The following HERC2 variants were observed in gnomAD, a reference collection of about 807,000 sequenced individuals.
HERC2 encodes the protein E3 ubiquitin-protein ligase HERC2.
HERC2 carries 102 observed loss-of-function variants against 537.7 expected under a neutral mutation model. The ratio of observed to expected loss-of-function variants is 0.19; its 90% CI spans 0.16 to 0.22. The LOEUF (loss-of-function observed/expected upper bound fraction) is 0.22, where lower values mean the gene tolerates loss of function less well. HERC2 is among the 10% of genes least tolerant of loss of function. HERC2 has a pLI of 1.00. For synonymous variants in HERC2, 2,224 were observed against 2,466.2 expected (o/e 0.90, Z 2.91); for missense variants, 4,236 against 6,198.2 (o/e 0.68, Z 10.63).
chr15:28,274,579 A>T, intron 6 of HERC2, 132 bp from the exon 7 acceptor site: 1 of 880,692 alleles, frequency 1.1e-6, no homozygotes, highest in Non-Finnish European at 1.7e-6. Flanking sequence ...AATCTAGCGC[A>T]GCTGCTCCAG....
At position 28,202,154 on chromosome 15, in the gene HERC2, C is replaced by T. The variant is rs551973035; in HGVS notation, c.7576G>A (p.Glu2526Lys). The change falls in exon 47 of 93, where the codon GAG becomes AAG. Residue 2526 changes from glutamate to lysine, a missense_variant. Glu to Lys is a moderately conservative substitution (Grantham distance 56). Transcript: ENST00000261609. ...TCATCCACGTCCTCCACCACCTCCT[C>T]GTCAGAATACTCGTCGGACACCGTG... ...ADTVSDEYSD[E>K]EVVEDVDDAA... 1.1e-5 allele frequency: 17 copies of T among 1,578,814 alleles called. No individual in the cohort carries two copies. In the Admixed American group the frequency reaches 1.7e-4, roughly 16 times the overall value.
chr15:28,292,069 A>G (rs1445624026), intron 4 of HERC2, among the ~76,000 whole-genome samples: 1 of 151,658 alleles, frequency 6.6e-6, no homozygotes, highest in Non-Finnish European at 1.5e-5. Context: ...CTCTACTAAA[A>G]ATACAAAAAA....
chr15:28,284,916 T>C (rs1195682589), intron 4 of HERC2, among the ~76,000 whole-genome samples: 1 of 74,570 alleles, frequency 1.3e-5, no homozygotes, highest in Non-Finnish European at 2.4e-5. Context: ...AAACTCCGTC[T>C]CGGAAAAAAA....
intron 2 of HERC2, among the ~76,000 whole-genome samples, chr15:28,319,175 TAAAAC>T (rs1319720690): frequency 1.3e-4 from 20 of 152,322 alleles, no homozygotes; most frequent in African/African-American, 4.8e-4. Flanking sequence ...TGGTGGAACA[TAAAAC>T]AAAGCTTAGC....
chr15:28,318,416 C>G (rs113467788), intron 2 of HERC2, among the ~76,000 whole-genome samples: 2,923 of 151,868 alleles, frequency 0.019, 6 homozygotes, highest in African/African-American at 0.067. Context: ...CACTTGAGGT[C>G]AGGAGTTCAA....
rs770040262 is a variant in HERC2, at chr15:28,146,370, T to A, written c.10901-26A>T. ...CTGAAGGACAGGCAAGCACAAAACA[T>A]AGCAACCACTCCAGATCAGCACCCA... On this transcript the variant is annotated intron_variant, in intron 70 of 92. Transcript: ENST00000261609. 11 of 1,493,326 alleles carry A rather than the reference T, an allele frequency of 7.4e-6. No homozygotes were observed. In the South Asian group the frequency reaches 1.2e-4, roughly 17 times the overall value. 92.5% of individuals were successfully genotyped at this position (1,493,326 alleles called of 1,614,324 possible).
chr15:28,149,981 T>C (rs1892248790), intron 70 of HERC2, among the ~76,000 whole-genome samples: 1 of 149,804 alleles, frequency 6.7e-6, no homozygotes, highest in Non-Finnish European at 1.5e-5. Flanking sequence ...ACCGAGAACA[T>C]CACCGAGAAC....
At chr15:28,117,760 C>G (rs1888438612) in intron 86 of HERC2, 1 of 358,720 alleles carries the variant, frequency 2.8e-6, no homozygotes, top group Admixed American at 3.7e-5. Flanking sequence ...CACTCCCTGC[C>G]CATCCTTCTC....
At chr15:28,125,983 TG>T (rs1328278733) in intron 83 of HERC2, among the ~76,000 whole-genome samples, 1 of 152,220 alleles carries the variant, frequency 6.6e-6, no homozygotes, top group Non-Finnish European at 1.5e-5. Flanking sequence ...AGCTAATTTT[TG>T]TATTTTTAGC....
intron 5 of HERC2, 32 bp downstream of exon 5, chr15:28,280,036 G>A: frequency 6.7e-7 from 1 of 1,499,554 alleles, no homozygotes; most frequent in Non-Finnish European, 9.2e-7. Flanking sequence ...TATTTAACTG[G>A]CATCAGGATT....
At chr15:28,171,237 T>C (rs1441510826) in intron 65 of HERC2, among the ~76,000 whole-genome samples, 2 of 152,234 alleles carry the variant, frequency 1.3e-5, no homozygotes, top group Non-Finnish European at 2.9e-5. Flanking sequence ...ATAATCCAAA[T>C]GTCCTTCGAT....
At chr15:28,236,293 T>A (rs1188096283) in intron 26 of HERC2, among the ~76,000 whole-genome samples, 2 of 152,012 alleles carry the variant, frequency 1.3e-5, no homozygotes, top group Non-Finnish European at 2.9e-5. Context: ...CTGTGTTGAA[T>A]CCGCCTCTCC....
chr15:28,237,972 C>T lies in HERC2; in HGVS notation c.3852+142G>A, dbSNP rs2140699051. 6.6e-6 allele frequency: 5 copies of T among 753,372 alleles called. No individual in the cohort carries two copies. In the South Asian group the frequency reaches 7.1e-5, roughly 11 times the overall value. The allele number at this position is 753,372 out of a possible 1,614,324, so 46.7% of individuals were successfully genotyped here. A position where few individuals can be genotyped will look rare whatever the true frequency, so the allele number is the denominator to read the frequency against. On this transcript the variant is annotated intron_variant, in intron 25 of 92. Coordinates refer to ENST00000261609, the MANE Select transcript of HERC2 (RefSeq NM_004667.6). Reference sequence around the variant, plus strand: ...AAATGTAAATTCATTTATGACAAAACTTCTAAAGGATCTTTATATTTATCC... The same window carrying T: ...AAATGTAAATTCATTTATGACAAAATTTCTAAAGGATCTTTATATTTATCC...
chr15:28,163,169 C>T lies in HERC2; in HGVS notation c.10671G>A (p.Val3557=), dbSNP rs1365364952. The change falls in exon 69 of 93, where the codon GTG becomes GTA. Residue 3557 remains valine (V), a synonymous_variant. Transcript: ENST00000261609. ...TGCCCCTGTCCCCGGCCCGGCTGCA[C>T]ACTGACAGCTTGAGCAGGTCTACCA... ...RVVVDLLKLS[V]CSRAGDRGRD... is the part of the protein sequence containing the mutation. 3.1e-6 allele frequency: 5 copies of T among 1,613,648 alleles called. No individual in the cohort carries two copies. Among genetic ancestry groups the T allele is most frequent in the Non-Finnish European group, 4.2e-6 (5 of 1,180,022 alleles).
intron 21 of HERC2, 72 bp downstream of exon 21, chr15:28,248,479 TG>T: frequency 8.9e-7 from 1 of 1,127,616 alleles, no homozygotes; most frequent in Non-Finnish European, 1.3e-6. Context: ...GCATATAGGA[TG>T]GACACGTCGA....
rs2075638029 is a variant in HERC2 at position 28,268,727 on chromosome 15, G to A, written c.1447-111C>T. On this transcript the variant is annotated intron_variant, in intron 11 of 92. Transcript: ENST00000261609. This position sits in a 1 kb window ranked among gnomAD's most constrained non-coding sequence, Gnocchi z 4.7. Reference sequence around the variant, plus strand: ...AGCAAAGCCTGCTGTAACTCCAAGTGGGGCATAAGTCTCTGGGAACTACGG... The same window carrying A: ...AGCAAAGCCTGCTGTAACTCCAAGTAGGGCATAAGTCTCTGGGAACTACGG... The A allele has an allele frequency of 1.1e-6, 1 of 887,840 alleles. No homozygotes were observed. The highest frequency in any genetic ancestry group is 1.7e-6 in the Non-Finnish European group (1 of 574,636). 55.0% of individuals were successfully genotyped at this position (887,840 alleles called of 1,614,324 possible). A position where few individuals can be genotyped will look rare whatever the true frequency, so the allele number is the denominator to read the frequency against.
At chr15:28,155,862 C>G (rs1376467672) in intron 69 of HERC2, among the ~76,000 whole-genome samples, 2 of 152,004 alleles carry the variant, frequency 1.3e-5, no homozygotes, top group African/African-American at 2.4e-5. Flanking sequence ...AATGGTATTC[C>G]CTAGGTCTTC....
chr15:28,196,686 T>A (rs1897373528), intron 50 of HERC2, 117 bp from the exon 51 acceptor site: 2 of 628,726 alleles, frequency 3.2e-6, no homozygotes, highest in Non-Finnish European at 5.7e-6. Flanking sequence ...TTACAAAGAG[T>A]CTACCTTTTA....
chr15:28,247,421 CTTTTTTTTTTT>C lies in HERC2; in HGVS notation c.3236-535_3236-525del, dbSNP rs71132843. ...CTTCAGTTTTTCTGTCTACATGGTTCTTTTTTTTTTTTTTTTTTTTTTTTGAGACCGAGTTT... is the reference window on the plus strand; with the variant it reads ...CTTCAGTTTTTCTGTCTACATGGTTCTTTTTTTTTTTTTGAGACCGAGTTT... On this transcript the variant is annotated intron_variant, in intron 21 of 92. Transcript: ENST00000261609. Among the ~76,000 whole-genome samples, 46 of 76,186 alleles carry C rather than the reference CTTTTTTTTTTT, an allele frequency of 6.0e-4. 1 individual carries two copies. The highest frequency in any genetic ancestry group is 2.2e-3 in the African/African-American group (42 of 19,086). 50.0% of individuals were successfully genotyped at this position (76,186 alleles called of 152,430 possible).
Sources: allele counts gnomAD v4.1 joint callset (sites outside exome capture counted in the v4.1 genomes callset), GRCh38; gene constraint gnomAD v4.1.1; non-coding constraint Gnocchi (gnomAD v3.1); transcripts MANE v1.5; gene names NCBI Gene and HGNC (gene_info 2026-07-23, HGNC 2026-07-21).